SDK1: variants seen among roughly 807,000 people sequenced by gnomAD.
SDK1 encodes sidekick cell adhesion molecule 1, also known as protein sidekick-1.
A neutral mutation model predicts 245.5 loss-of-function variants in SDK1; 157 were observed. The observed-to-expected ratio is 0.64, with a 90% CI of 0.56 to 0.73. The LOEUF is 0.73. SDK1 is among the 30% of genes least tolerant of loss of function. The pLI is 0.00. For synonymous variants in SDK1, 1,647 were observed against 1,278.5 expected, an observed-to-expected ratio of 1.29 and a Z score of -6.15; for missense variants, 3,583 against 3,002.3, an observed-to-expected ratio of 1.19 and a Z score of -4.52.
intron 5 of SDK1, among the ~76,000 whole-genome samples, chr7:3,869,850 T>C (rs1446102425): frequency 6.6e-6 from 1 of 152,242 alleles, no homozygotes; most frequent in Non-Finnish European, 1.5e-5. Flanking sequence ...TTGCGAACTT[T>C]AACAAATAAT....
intron 5 of SDK1, among the ~76,000 whole-genome samples, chr7:3,869,300 C>T (rs928726531): frequency 9.2e-5 from 14 of 151,798 alleles, no homozygotes; most frequent in Middle Eastern, 3.2e-3. Flanking sequence ...GGATTACAGG[C>T]GTCCATCACC....
At chr7:3,969,493 T>A in intron 11 of SDK1, 69 bp downstream of exon 11, 1 of 1,274,448 alleles carries the variant, frequency 7.8e-7, no homozygotes, top group Non-Finnish European at 1.0e-6. Context: ...TCGTGTGCTT[T>A]GGGGATGTCA....
At chr7:3,762,344 G>T (rs926493786) in intron 4 of SDK1, among the ~76,000 whole-genome samples, 4 of 152,184 alleles carry the variant, frequency 2.6e-5, no homozygotes, top group African/African-American at 4.8e-5. Context: ...GCAGCGCTTG[G>T]ATAGTCCTGC....
chr7:3,399,435 C>G (rs75654305), intron 1 of SDK1, among the ~76,000 whole-genome samples: 3,447 of 152,192 alleles, frequency 0.023, 143 homozygotes, highest in African/African-American at 0.078. Flanking sequence ...TCATCAGGGA[C>G]AGCTTCTATT....
intron 42 of SDK1, among the ~76,000 whole-genome samples, chr7:4,238,531 C>T (rs1260467537): frequency 1.3e-5 from 2 of 151,822 alleles, no homozygotes; most frequent in African/African-American, 4.8e-5. Flanking sequence ...CCACTGTACT[C>T]CAGCCTGGAC....
rs936733903 is a variant in SDK1 at position 4,268,138 on chromosome 7, T to C, written c.*2754T>C. 4 of 985,860 alleles carry C rather than the reference T, an allele frequency of 4.1e-6. No homozygotes were observed. In the African/African-American group the frequency reaches 7.0e-5, roughly 17 times the overall value. 61.1% of individuals were successfully genotyped at this position (985,860 alleles called of 1,614,324 possible). A position where few individuals can be genotyped will look rare whatever the true frequency, so the allele number is the denominator to read the frequency against. On this transcript the variant is annotated 3_prime_UTR_variant, in exon 45 of 45. Coordinates refer to ENST00000404826, the MANE Select transcript of SDK1 (RefSeq NM_152744.4). ...TCCTGCCGTGCTGAAAGTCATGCCT[T>C]GCGGATGCCTCATGACAGCAGTGGC...
Position 3,620,045 on chromosome 7 carries a change from A to C in SDK1, c.458+806A>C, listed in dbSNP as rs182901732. On this transcript the variant is annotated intron_variant, in intron 2 of 44. Coordinates refer to ENST00000404826, the MANE Select transcript of SDK1 (RefSeq NM_152744.4). ...AGTCCAGGAGGCCTCACCATCAGCA[A>C]ATCAGCAAAATCATCGCTGCCATGC... Among the ~76,000 whole-genome samples the C allele has an allele frequency of 1.2e-3, 177 of 152,336 alleles. 1 individual carries two copies. Among genetic ancestry groups the C allele is most frequent in the Admixed American group, 5.6e-3 (85 of 15,302 alleles).
chr7:3,575,404 A>G (rs887531368), intron 1 of SDK1, among the ~76,000 whole-genome samples: 1 of 151,974 alleles, frequency 6.6e-6, no homozygotes, highest in Non-Finnish European at 1.5e-5. Flanking sequence ...AAAGGCCATC[A>G]CATCAGGGGT....
intron 4 of SDK1, among the ~76,000 whole-genome samples, chr7:3,690,664 A>G (rs6462235): frequency 0.28 from 43,132 of 152,084 alleles, 9,732 homozygotes; most frequent in African/African-American, 0.62. Flanking sequence ...TATAGAAAGT[A>G]AGAAAGCAGG....
intron 1 of SDK1, among the ~76,000 whole-genome samples, chr7:3,382,744 G>C (rs1160526766): frequency 2.0e-5 from 3 of 152,134 alleles, no homozygotes; most frequent in African/African-American, 7.2e-5. Context: ...AAAACATAGA[G>C]AAAAATCATT....
intron 7 of SDK1, among the ~76,000 whole-genome samples, chr7:3,955,521 T>C (rs1781190269): frequency 6.6e-6 from 1 of 152,034 alleles, no homozygotes; most frequent in African/African-American, 2.4e-5. Context: ...ATTCCAGAGG[T>C]GTGGGTGTGG....
At chr7:3,882,887 A>C (rs1313926466) in intron 5 of SDK1, among the ~76,000 whole-genome samples, 5 of 152,240 alleles carry the variant, frequency 3.3e-5, no homozygotes, top group Non-Finnish European at 7.3e-5. Flanking sequence ...AAAACAATTT[A>C]GTCATGCATA....
chr7:3,781,461 G>T (rs1780734707), intron 4 of SDK1, among the ~76,000 whole-genome samples: 1 of 152,052 alleles, frequency 6.6e-6, no homozygotes, highest in Non-Finnish European at 1.5e-5. Flanking sequence ...ACCTGTAAAG[G>T]CCAGAAAAGG....
chr7:3,845,363 G>C (rs2115094028), intron 5 of SDK1, among the ~76,000 whole-genome samples: 1 of 152,046 alleles, frequency 6.6e-6, no homozygotes, highest in South Asian at 2.1e-4. Context: ...GGTGGTGCAT[G>C]CCTGTAATCC....
At chr7:4,226,023 G>A (rs11761645) in intron 40 of SDK1, among the ~76,000 whole-genome samples, 26,294 of 152,154 alleles carry the variant, frequency 0.17, 2,427 homozygotes, top group Middle Eastern at 0.22. Context: ...TCAGGCAAAT[G>A]AAACGCTTTA....
chr7:3,443,286 A>G (rs1452662467), intron 1 of SDK1, among the ~76,000 whole-genome samples: 2 of 152,206 alleles, frequency 1.3e-5, no homozygotes, highest in Admixed American at 6.5e-5. Context: ...AGCTAACACT[A>G]CTTATGTTTG....
intron 1 of SDK1, among the ~76,000 whole-genome samples, chr7:3,609,494 G>A (rs1270408828): frequency 6.6e-6 from 1 of 152,058 alleles, no homozygotes; most frequent in Non-Finnish European, 1.5e-5. Context: ...TCTGCTTCCC[G>A]GTTTCAAACG....
chr7:3,524,416 T>C (rs1048651593), intron 1 of SDK1, among the ~76,000 whole-genome samples: 3 of 152,084 alleles, frequency 2.0e-5, no homozygotes, highest in African/African-American at 7.2e-5. Flanking sequence ...AAACAAAAGA[T>C]AATGAGGTAA....
intron 1 of SDK1, among the ~76,000 whole-genome samples, chr7:3,363,237 T>G (rs1399653542): frequency 6.6e-6 from 1 of 152,238 alleles, no homozygotes; most frequent in Admixed American, 6.5e-5. Flanking sequence ...CTTTGGATAT[T>G]GCTCTTTTTT....
Sources: gnomAD v4.1 joint callset for allele counts (sites outside exome capture counted in the v4.1 genomes callset) on GRCh38, gnomAD v4.1.1 for gene constraint, MANE v1.5 for transcripts, NCBI Gene and HGNC (gene_info 2026-07-23, HGNC 2026-07-21) for gene names.